Variants in GALNT13 observed in about 807,000 individuals in gnomAD.
GALNT13 encodes the protein polypeptide N-acetylgalactosaminyltransferase 13.
GALNT13 carries 28 observed loss-of-function variants against 64.2 expected under a neutral mutation model. That is an observed-to-expected ratio of 0.44 (90% CI 0.32 to 0.60). The LOEUF (loss-of-function observed/expected upper bound fraction) is 0.60. GALNT13 is among the 20% of genes least tolerant of loss of function. GALNT13 has a pLI of 0.05. For synonymous variants in GALNT13, 214 were observed against 224.6 expected (o/e 0.95, Z 0.42); for missense variants, 577 against 669.8 (o/e 0.86, Z 1.53).
rs1198588017 is a variant in GALNT13 at position 154,298,729 on chromosome 2, T to G, written c.976-2680T>G. On this transcript the variant is annotated intron_variant, in intron 8 of 12. Transcript: ENST00000392825. ...ACAATTTATATATAAATTATATTAT[T>G]TATATATAGTATATATAAATATATA... is the stretch of plus-strand genomic sequence containing the variant. 1.4e-4 allele frequency among the ~76,000 whole-genome samples: 12 copies of G among 84,288 alleles called. 1 individual carries two copies. The highest frequency in any genetic ancestry group is 3.8e-4 in the South Asian group (1 of 2,652). The allele number at this position is 84,288 out of a possible 152,430, so 55.3% of individuals were successfully genotyped here. A position where few individuals can be genotyped will look rare whatever the true frequency, so the allele number is the denominator to read the frequency against.
the GALNT13 span, among the ~76,000 whole-genome samples, chr2:153,102,972 C>T: frequency 6.6e-6 from 1 of 152,068 alleles, no homozygotes; most frequent in African/African-American, 2.4e-5. Flanking sequence ...AGAGGAAAGG[C>T]ATGTTTACTG....
At chr2:153,853,178 G>A in the GALNT13 span, among the ~76,000 whole-genome samples, 1 of 152,166 alleles carries the variant, frequency 6.6e-6, no homozygotes, top group African/African-American at 2.4e-5. Flanking sequence ...AGGCAGTCTA[G>A]TCCTTCCATG....
At chr2:153,704,020 C>T in the GALNT13 span, among the ~76,000 whole-genome samples, 18 of 152,196 alleles carry the variant, frequency 1.2e-4, no homozygotes, top group East Asian at 3.3e-3. Context: ...TCCAGTTCCA[C>T]AAATGTTTTA....
intron 4 of GALNT13, among the ~76,000 whole-genome samples, chr2:154,149,771 T>C (rs1391152350): frequency 6.6e-6 from 1 of 152,200 alleles, no homozygotes; most frequent in African/African-American, 2.4e-5. Context: ...TTTTGTACAT[T>C]GATTTTGTAT....
chr2:153,533,723 C>CTTTTTTTTTTGTTTTTTTTTTTTTTTTTT, the GALNT13 span, among the ~76,000 whole-genome samples: 1 of 48,732 alleles, frequency 2.1e-5, no homozygotes, highest in Non-Finnish European at 3.6e-5. Flanking sequence ...TGAGGTTTTT[C>CTTTTTTTTTTGTTTTTTTTTTTTTTTTTT]TTTTTTTTTT....
chr2:153,612,571 TATATC>T, the GALNT13 span, among the ~76,000 whole-genome samples: 1 of 151,896 alleles, frequency 6.6e-6, no homozygotes, highest in Admixed American at 6.6e-5. Context: ...TTACAAGACA[TATATC>T]ATATAAACAC....
chr2:154,099,038 A>G (rs759142073), intron 3 of GALNT13, among the ~76,000 whole-genome samples: 1 of 152,136 alleles, frequency 6.6e-6, no homozygotes, highest in Non-Finnish European at 1.5e-5. Context: ...ATTCCCACCT[A>G]CAATGAAAAG....
chr2:154,018,610 G>T (rs892206161), intron 3 of GALNT13, among the ~76,000 whole-genome samples: 6 of 151,794 alleles, frequency 4.0e-5, no homozygotes, highest in Non-Finnish European at 8.8e-5. Context: ...GAGAGAGGGA[G>T]AGAGAATGAT....
intron 2 of GALNT13, among the ~76,000 whole-genome samples, chr2:153,933,806 C>A (rs1031025851): frequency 2.6e-5 from 4 of 152,116 alleles, no homozygotes; most frequent in African/African-American, 9.7e-5. Context: ...ATAACAAATT[C>A]CATTAGCTTG....
chr2:154,426,931 C>T (rs374470224), intron 11 of GALNT13, among the ~76,000 whole-genome samples: 1 of 152,140 alleles, frequency 6.6e-6, no homozygotes, highest in African/African-American at 2.4e-5. Flanking sequence ...CCTACTAGAA[C>T]AGTTTCCATA....
At chr2:154,375,790 G>T (rs1477426447) in intron 9 of GALNT13, among the ~76,000 whole-genome samples, 1 of 152,112 alleles carries the variant, frequency 6.6e-6, no homozygotes, top group Non-Finnish European at 1.5e-5. Flanking sequence ...TAGCAAATCC[G>T]ACTGCATGTA....
chr2:154,018,566 G>A (rs1697190945), intron 3 of GALNT13, among the ~76,000 whole-genome samples: 1 of 152,054 alleles, frequency 6.6e-6, no homozygotes, highest in Non-Finnish European at 1.5e-5. Context: ...ATGGGGGATA[G>A]GGAGAGGGAA....
chr2:153,300,227 T>C, the GALNT13 span, among the ~76,000 whole-genome samples: 423 of 152,328 alleles, frequency 2.8e-3, 2 homozygotes, highest in African/African-American at 9.7e-3. Flanking sequence ...AGAATTAACA[T>C]GGGTAGGTTC....
chr2:153,159,682 T>C, the GALNT13 span: 7 of 152,272 alleles, frequency 4.6e-5, no homozygotes, highest in African/African-American at 1.7e-4. Context: ...CAAAAGTTGT[T>C]GGTGATCAAA....
chr2:153,505,098 A>G, the GALNT13 span, among the ~76,000 whole-genome samples: 2 of 152,064 alleles, frequency 1.3e-5, no homozygotes, highest in Non-Finnish European at 2.9e-5. Flanking sequence ...TCTTCCTGGT[A>G]TAATCTAGGA....
At chr2:153,885,712 A>G (rs1056023619) in intron 1 of GALNT13, among the ~76,000 whole-genome samples, 3 of 152,124 alleles carry the variant, frequency 2.0e-5, no homozygotes, top group Non-Finnish European at 4.4e-5. Flanking sequence ...TGGCCATTTC[A>G]GTGTTCACAG....
rs371654079 is a variant in GALNT13 at position 154,370,087 on chromosome 2, T to C, written c.1157-25904T>C. ...TTTTTTAAATTTTCCTCTGAAAGAC[T>C]CTATTTTCAAATATAATCATATTGG... On this transcript the variant is annotated intron_variant, in intron 9 of 12. Transcript: ENST00000392825. Among the ~76,000 whole-genome samples the C allele has an allele frequency of 1.3e-3, 202 of 152,280 alleles. 6 individuals carry two copies. The South Asian group carries it at 0.041, about 31-fold the overall frequency.
At chr2:153,328,670 C>A in the GALNT13 span, among the ~76,000 whole-genome samples, 1 of 152,138 alleles carries the variant, frequency 6.6e-6, no homozygotes, top group Non-Finnish European at 1.5e-5. Context: ...CAAGCTCAAG[C>A]GTCCCAGGTC....
chr2:153,758,329 G>C, the GALNT13 span, among the ~76,000 whole-genome samples: 7 of 146,122 alleles, frequency 4.8e-5, no homozygotes, highest in African/African-American at 1.8e-4. Context: ...TCTCTATTCT[G>C]TTCCATTGGT....
Sources: allele counts gnomAD v4.1 joint callset (sites outside exome capture counted in the v4.1 genomes callset), GRCh38; gene constraint gnomAD v4.1.1; transcripts MANE v1.5; gene names NCBI Gene and HGNC (gene_info 2026-07-23, HGNC 2026-07-21).